SPOCK1: variants seen among roughly 807,000 people sequenced by gnomAD.
SPOCK1 encodes testican-1.
A neutral mutation model predicts 55.3 loss-of-function variants in SPOCK1; 23 were observed. That is an observed-to-expected ratio of 0.42 (90% CI 0.30 to 0.59). SPOCK1 has a LOEUF of 0.59. SPOCK1 is among the 20% of genes least tolerant of loss of function. The probability of loss-of-function intolerance (pLI) is 0.22; values close to 1 mark genes in which losing one functional copy is unlikely to be tolerated. For missense variants in SPOCK1, 499 were observed against 552.5 expected, an observed-to-expected ratio of 0.90 and a Z score of 0.97; for synonymous variants, 226 against 221.0, an observed-to-expected ratio of 1.02 and a Z score of -0.20.
intron 6 of SPOCK1, among the ~76,000 whole-genome samples, chr5:136,996,154 A>G (rs917698819): frequency 2.6e-5 from 4 of 152,220 alleles, no homozygotes; most frequent in African/African-American, 7.2e-5. Flanking sequence ...AGGTGTGAAC[A>G]GGGGACTGAA....
At chr5:137,456,723 A>G (rs1335899004) in intron 2 of SPOCK1, among the ~76,000 whole-genome samples, 3 of 152,228 alleles carry the variant, frequency 2.0e-5, no homozygotes, top group Non-Finnish European at 4.4e-5. Context: ...ATGATTGTCT[A>G]TAGGGACTAT....
intron 4 of SPOCK1, among the ~76,000 whole-genome samples, chr5:137,135,939 T>C (rs1318506332): frequency 1.3e-5 from 2 of 152,248 alleles, no homozygotes; most frequent in African/African-American, 4.8e-5. Flanking sequence ...CACATAAAGC[T>C]GATATGAACA....
chr5:137,468,694 A>G (rs1256711317), intron 2 of SPOCK1, among the ~76,000 whole-genome samples: 2 of 152,186 alleles, frequency 1.3e-5, no homozygotes, highest in Non-Finnish European at 2.9e-5. Context: ...ATTATGCTCA[A>G]AAATTGAGTG....
At chr5:137,229,963 G>C (rs1297575087) in intron 3 of SPOCK1, among the ~76,000 whole-genome samples, 1 of 152,142 alleles carries the variant, frequency 6.6e-6, no homozygotes, top group African/African-American at 2.4e-5. Flanking sequence ...CCATGGGTAG[G>C]GGACCCCTGC....
intron 1 of SPOCK1, among the ~76,000 whole-genome samples, 179 bp downstream of exon 1, chr5:137,499,000 G>T (rs184574518): frequency 2.6e-5 from 4 of 152,116 alleles, no homozygotes; most frequent in African/African-American, 9.6e-5. Context: ...GGGGCTGCCA[G>T]CAGCTGGGGG....
At chr5:136,990,597 C>CAA (rs1750931296) in intron 7 of SPOCK1, among the ~76,000 whole-genome samples, 1 of 151,152 alleles carries the variant, frequency 6.6e-6, no homozygotes, top group Non-Finnish European at 1.5e-5. Flanking sequence ...ATAACGTGGC[C>CAA]CCTTCTTTGA....
chr5:137,285,728 G>A (rs1292718235), intron 2 of SPOCK1, among the ~76,000 whole-genome samples: 1 of 152,138 alleles, frequency 6.6e-6, no homozygotes, highest in Non-Finnish European at 1.5e-5. Context: ...TGGCCTTTGT[G>A]TCTGCTCTTG....
chr5:137,044,383 C>A (rs757591459), intron 6 of SPOCK1, among the ~76,000 whole-genome samples: 1 of 152,050 alleles, frequency 6.6e-6, no homozygotes, highest in East Asian at 1.9e-4. Flanking sequence ...GACACACACA[C>A]AAAAGAAATG....
At chr5:137,053,186 G>A (rs1752238187) in intron 6 of SPOCK1, among the ~76,000 whole-genome samples, 1 of 152,158 alleles carries the variant, frequency 6.6e-6, no homozygotes, top group Non-Finnish European at 1.5e-5. Flanking sequence ...GAGCCACACT[G>A]TGATGTCCCT....
chr5:137,343,887 G>A (rs1370568528), intron 2 of SPOCK1, among the ~76,000 whole-genome samples: 1 of 152,144 alleles, frequency 6.6e-6, no homozygotes, highest in Non-Finnish European at 1.5e-5. Context: ...GTCACCTCTG[G>A]GAAACCCATA....
At chr5:137,353,900 C>G (rs1750734511) in intron 2 of SPOCK1, among the ~76,000 whole-genome samples, 2 of 152,180 alleles carry the variant, frequency 1.3e-5, no homozygotes, top group Admixed American at 1.3e-4. Flanking sequence ...CCTCCCTCTA[C>G]AGATACTTGC....
chr5:137,369,194 T>C (rs1398292174), intron 2 of SPOCK1, among the ~76,000 whole-genome samples: 1 of 152,210 alleles, frequency 6.6e-6, no homozygotes, highest in Non-Finnish European at 1.5e-5. Context: ...GGTGGGTGTC[T>C]GGACAGCAGA....
At chr5:137,216,267 T>C (rs1193348814) in intron 3 of SPOCK1, among the ~76,000 whole-genome samples, 2 of 152,166 alleles carry the variant, frequency 1.3e-5, no homozygotes, top group Non-Finnish European at 2.9e-5. Context: ...CTGCAGAGCT[T>C]TGGGCACAAA....
At position 136,977,265 on chromosome 5, in the gene SPOCK1, G is replaced by T. The variant is rs1750636243; in HGVS notation, c.*1389C>A. 1 of 151,746 alleles carries T rather than the reference G, an allele frequency of 6.6e-6. No homozygotes were observed. Among genetic ancestry groups the T allele is most frequent in the Non-Finnish European group, 1.5e-5 (1 of 68,002 alleles). 9.4% of individuals were successfully genotyped at this position (151,746 alleles called of 1,614,324 possible). On this transcript the variant is annotated 3_prime_UTR_variant, in exon 11 of 11. Coordinates refer to ENST00000394945, the MANE Select transcript of SPOCK1 (RefSeq NM_004598.4). ...CAAATTTGGAACTAGACTCCAATGAGTTTAGTTAAAACAAACACTATGGTG... is the reference window on the plus strand; with the variant it reads ...CAAATTTGGAACTAGACTCCAATGATTTTAGTTAAAACAAACACTATGGTG...
At chr5:137,267,977 T>C (rs1756890752) in intron 2 of SPOCK1, among the ~76,000 whole-genome samples, 1 of 152,262 alleles carries the variant, frequency 6.6e-6, no homozygotes, top group African/African-American at 2.4e-5. Context: ...ATATGTGTTT[T>C]TGGCAGGCAG....
intron 3 of SPOCK1, among the ~76,000 whole-genome samples, chr5:137,197,044 C>T (rs983240084): frequency 1.3e-5 from 2 of 152,198 alleles, no homozygotes; most frequent in South Asian, 2.1e-4. Context: ...TGCCAGGATA[C>T]CCACCTGAGG....
chr5:137,066,987 C>CACACACACACAGAGAGAGAG (rs1343691789), intron 6 of SPOCK1, among the ~76,000 whole-genome samples: 66 of 139,648 alleles, frequency 4.7e-4, no homozygotes, highest in Admixed American at 1.4e-3. Flanking sequence ...CACACACACA[C>CACACACACACAGAGAGAGAG]AGAGAGAGAG....
chr5:137,122,088 T>G (rs1376187603), intron 4 of SPOCK1, among the ~76,000 whole-genome samples: 1 of 151,920 alleles, frequency 6.6e-6, no homozygotes, highest in African/African-American at 2.4e-5. Flanking sequence ...CTAACTGGTA[T>G]GAGACTGCAG....
At position 137,366,902 on chromosome 5, in the gene SPOCK1, C is replaced by T. The variant is rs143585514; in HGVS notation, c.187-99847G>A. On this transcript the variant is annotated intron_variant, in intron 2 of 10. Coordinates refer to ENST00000394945, the MANE Select transcript of SPOCK1 (RefSeq NM_004598.4). Reference sequence around the variant, plus strand: ...TCAGCAAAACAAGAAAAGTATCAGACCAAGTAACTGAGAAGAATAACAAAC... The same window carrying T: ...TCAGCAAAACAAGAAAAGTATCAGATCAAGTAACTGAGAAGAATAACAAAC... Among the ~76,000 whole-genome samples the T allele has an allele frequency of 6.6e-3, 1,012 of 152,250 alleles. 7 individuals carry two copies. Among genetic ancestry groups the T allele is most frequent in the African/African-American group, 0.018 (738 of 41,536 alleles).
Sources: gnomAD v4.1 joint callset for allele counts (sites outside exome capture counted in the v4.1 genomes callset) on GRCh38, gnomAD v4.1.1 for gene constraint, MANE v1.5 for transcripts, NCBI Gene and HGNC (gene_info 2026-07-23, HGNC 2026-07-21) for gene names.